THRB: variants seen among roughly 807,000 people sequenced by gnomAD.
The protein encoded by THRB is thyroid hormone receptor beta.
Under a neutral mutation model 47.8 loss-of-function variants are expected in THRB, and 12 were observed. That is an observed-to-expected ratio of 0.25 (90% CI 0.16 to 0.41). The LOEUF is 0.41. THRB is among the 10% of genes least tolerant of loss of function. The pLI, the probability that THRB is intolerant of heterozygous loss-of-function variation, is 1.00. For synonymous variants in THRB, 218 were observed against 212.2 expected (o/e 1.03, Z -0.24); for missense variants, 348 against 589.2 (o/e 0.59, Z 4.24).
At chr3:24,141,384 C>G (rs11710330) in intron 8 of THRB, among the ~76,000 whole-genome samples, 1 of 152,124 alleles carries the variant, frequency 6.6e-6, no homozygotes, top group Non-Finnish European at 1.5e-5. Flanking sequence ...CATAGCACAA[C>G]GTCATCTCCT....
intron 3 of THRB, among the ~76,000 whole-genome samples, chr3:24,248,736 G>A (rs959393468): frequency 6.6e-6 from 1 of 152,074 alleles, no homozygotes; most frequent in Admixed American, 6.6e-5. Flanking sequence ...GTCCCTTTGC[G>A]TCCCTCAGAG....
At chr3:24,397,337 G>A (rs2067039288) in intron 1 of THRB, among the ~76,000 whole-genome samples, 1 of 152,100 alleles carries the variant, frequency 6.6e-6, no homozygotes, top group African/African-American at 2.4e-5. Context: ...CCATTGATGT[G>A]ATATGTAACT....
intron 1 of THRB, among the ~76,000 whole-genome samples, chr3:24,432,966 T>G (rs926875545): frequency 4.6e-5 from 7 of 152,098 alleles, no homozygotes; most frequent in African/African-American, 1.7e-4. Flanking sequence ...ACCGCAGGCT[T>G]AGTATATTTT....
intron 1 of THRB, among the ~76,000 whole-genome samples, chr3:24,467,980 C>T (rs75864131): frequency 0.023 from 3,563 of 152,288 alleles, 74 homozygotes; most frequent in East Asian, 0.086. Flanking sequence ...TTCTACATTG[C>T]GAATCTGTTG....
At chr3:24,386,865 T>C (rs2066162830) in intron 1 of THRB, among the ~76,000 whole-genome samples, 1 of 152,110 alleles carries the variant, frequency 6.6e-6, no homozygotes, top group Admixed American at 6.6e-5. Flanking sequence ...ACAGCCTCTA[T>C]ATTGCAGGGT....
At position 24,275,648 on chromosome 3, in the gene THRB, T is replaced by C. The variant is rs569793231; in HGVS notation, c.-43+21578A>G. 5.9e-5 allele frequency among the ~76,000 whole-genome samples: 9 copies of C among 152,310 alleles called. No homozygotes were observed. The South Asian group carries it at 1.7e-3, about 28-fold the overall frequency. On this transcript the variant is annotated intron_variant, in intron 3 of 10. Coordinates refer to ENST00000646209, the MANE Select transcript of THRB (RefSeq NM_001354712.2). The stretch of plus-strand genomic sequence containing the variant: ...AACATGAGCGAGATGAAAATGTGTA[T>C]TTTTGTTTGGGTTTTTGAGAGCCAT...
chr3:24,447,469 G>C (rs2072210121), intron 1 of THRB, among the ~76,000 whole-genome samples: 1 of 152,154 alleles, frequency 6.6e-6, no homozygotes, highest in South Asian at 2.1e-4. Context: ...TTTGATCTCA[G>C]AGGGAATACC....
intron 1 of THRB, among the ~76,000 whole-genome samples, chr3:24,370,001 G>A (rs1057001625): frequency 7.2e-5 from 11 of 152,214 alleles, no homozygotes; most frequent in Non-Finnish European, 1.2e-4. Flanking sequence ...ATGTAAATTT[G>A]TGTTTATTAA....
chr3:24,493,159 C>T (rs1698437616), intron 1 of THRB, among the ~76,000 whole-genome samples: 1 of 152,216 alleles, frequency 6.6e-6, no homozygotes, highest in African/African-American at 2.4e-5. Flanking sequence ...AAAACATCAA[C>T]TGCTTAAAAT....
At chr3:24,258,520 T>C (rs1370706252) in intron 3 of THRB, among the ~76,000 whole-genome samples, 1 of 152,164 alleles carries the variant, frequency 6.6e-6, no homozygotes, top group Non-Finnish European at 1.5e-5. Flanking sequence ...CTTAGTACCA[T>C]ACGGGTAATC....
At chr3:24,211,675 A>G (rs556057296) in intron 4 of THRB, among the ~76,000 whole-genome samples, 1 of 152,190 alleles carries the variant, frequency 6.6e-6, no homozygotes, top group East Asian at 1.9e-4. Flanking sequence ...TGAAGATTGT[A>G]TTCTTTTTGC....
chr3:24,292,596 G>A (rs1044145348), intron 3 of THRB, among the ~76,000 whole-genome samples: 1 of 152,048 alleles, frequency 6.6e-6, no homozygotes, highest in African/African-American at 2.4e-5. Flanking sequence ...TCCTGCTGGG[G>A]GTCAGGAACC....
intron 5 of THRB, among the ~76,000 whole-genome samples, chr3:24,182,912 G>C (rs2042088099): frequency 6.6e-6 from 1 of 152,112 alleles, no homozygotes; most frequent in Non-Finnish European, 1.5e-5. Flanking sequence ...TCTTTCCTTT[G>C]GGTCTGGAAT....
At chr3:24,426,343 A>T (rs1318172455) in intron 1 of THRB, among the ~76,000 whole-genome samples, 1 of 151,940 alleles carries the variant, frequency 6.6e-6, no homozygotes, top group Non-Finnish European at 1.5e-5. Flanking sequence ...GTTATATAAA[A>T]TTGGGTTGAA....
chr3:24,382,715 C>T (rs1235343949), intron 1 of THRB, among the ~76,000 whole-genome samples: 1 of 152,146 alleles, frequency 6.6e-6, no homozygotes, highest in Non-Finnish European at 1.5e-5. Context: ...CCAATCATTA[C>T]TAAATAATGT....
Position 24,146,664 on chromosome 3 carries a change from G to A in THRB, c.532+11C>T. 6.2e-7 allele frequency: 1 copy of A among 1,613,856 alleles called. No homozygotes were observed. The highest frequency in any genetic ancestry group is 1.1e-5 in the South Asian group (1 of 91,068). On this transcript the variant is annotated intron_variant, in intron 7 of 10. Coordinates refer to ENST00000646209, the MANE Select transcript of THRB (RefSeq NM_001354712.2). Reference sequence around the variant, plus strand: ...ATTCCTTGAATATGAAGCAAGTGAAGATCTACTTACAATCTGTTGCCATGC... The same window carrying A: ...ATTCCTTGAATATGAAGCAAGTGAAAATCTACTTACAATCTGTTGCCATGC...
chr3:24,437,186 T>A (rs1288615710), intron 1 of THRB, among the ~76,000 whole-genome samples: 3 of 149,724 alleles, frequency 2.0e-5, no homozygotes, highest in African/African-American at 4.9e-5. Flanking sequence ...TATATATATA[T>A]AATGAAATAT....
At chr3:24,253,499 G>T (rs895912605) in intron 3 of THRB, among the ~76,000 whole-genome samples, 3 of 152,198 alleles carry the variant, frequency 2.0e-5, no homozygotes, top group African/African-American at 7.2e-5. Flanking sequence ...GCAGCAAAGT[G>T]CACTGGGAGT....
chr3:24,481,244 T>TC (rs1696352401), intron 1 of THRB, among the ~76,000 whole-genome samples: 1 of 146,972 alleles, frequency 6.8e-6, no homozygotes, highest in African/African-American at 2.6e-5. Flanking sequence ...TTTTTTTTTT[T>TC]TTTTTTTTTT....
Sources: allele counts gnomAD v4.1 joint callset (sites outside exome capture counted in the v4.1 genomes callset), GRCh38; gene constraint gnomAD v4.1.1; transcripts MANE v1.5; gene names NCBI Gene and HGNC (gene_info 2026-07-23, HGNC 2026-07-21).